The following ADAMTS16 variants were observed in gnomAD, a reference collection of about 807,000 sequenced individuals.
ADAMTS16 encodes ADAM metallopeptidase with thrombospondin type 1 motif 16.
ADAMTS16 carries 94 observed loss-of-function variants against 145.8 expected under a neutral mutation model. The ratio of observed to expected loss-of-function variants is 0.64; its 90% CI spans 0.55 to 0.77. The LOEUF is 0.77. Among genes scored for constraint, ADAMTS16 ranks in the 30% least tolerant of loss-of-function variants. The pLI, the probability that ADAMTS16 is intolerant of heterozygous loss-of-function variation, is 0.00. For missense variants in ADAMTS16, 1,585 were observed against 1,591.5 expected, an observed-to-expected ratio of 1.00 and a Z score of 0.07; for synonymous variants, 659 against 604.3, an observed-to-expected ratio of 1.09 and a Z score of -1.33.
intron 18 of ADAMTS16, among the ~76,000 whole-genome samples, chr5:5,285,945 T>A (rs774895194): frequency 6.6e-6 from 1 of 152,250 alleles, no homozygotes; most frequent in Non-Finnish European, 1.5e-5. Context: ...AGTTTGTGAA[T>A]GCTAATGCAA....
intron 16 of ADAMTS16, 104 bp downstream of exon 16, chr5:5,240,029 T>C: frequency 6.7e-7 from 1 of 1,501,740 alleles, no homozygotes; most frequent in East Asian, 2.3e-5. Context: ...TGTAAACAGT[T>C]ATAAAAAGAG....
At chr5:5,242,220 G>C (rs771253742) in intron 17 of ADAMTS16, 29 bp downstream of exon 17, 14 of 1,610,230 alleles carry the variant, frequency 8.7e-6, no homozygotes, top group Non-Finnish European at 1.1e-5. Flanking sequence ...TGCTCCTGGA[G>C]GCAGCATGTC....
At chr5:5,259,164 C>T (rs920856205) in intron 17 of ADAMTS16, among the ~76,000 whole-genome samples, 5 of 152,206 alleles carry the variant, frequency 3.3e-5, no homozygotes, top group African/African-American at 1.2e-4. Context: ...CAGTGACTTC[C>T]ACTCTGCGGC....
chr5:5,306,506 C>G lies in ADAMTS16; in HGVS notation c.3189C>G (p.Cys1063Trp), dbSNP rs769649253. The G allele has an allele frequency of 1.2e-6, 2 of 1,611,368 alleles. No homozygotes were observed. The highest frequency in any genetic ancestry group is 1.7e-5 in the Admixed American group (1 of 59,890). ...TTCTTTTGTTCTCTTCTTTTTAGTG[C>G]TCTGTGACATGTGAAAGAGGAACAC... ...LQWLVSAWSQCSVTCERGTQK... is the reference protein window; with the variant it reads ...LQWLVSAWSQWSVTCERGTQK... The change falls in exon 21 of 23, where the codon TGC becomes TGG. Residue 1063 changes from cysteine to tryptophan, a missense_variant and splice_region_variant. Physicochemically the swap from Cys to Trp is radical, Grantham distance 215. Transcript: ENST00000274181.
intron 11 of ADAMTS16, among the ~76,000 whole-genome samples, chr5:5,230,533 A>T (rs1406265364): frequency 6.6e-6 from 1 of 152,230 alleles, no homozygotes; most frequent in East Asian, 1.9e-4. Context: ...GTGGACAAGC[A>T]TTTATGTGAA....
chr5:5,230,285 C>T (rs1736885220), intron 11 of ADAMTS16, among the ~76,000 whole-genome samples: 1 of 152,088 alleles, frequency 6.6e-6, no homozygotes, highest in Non-Finnish European at 1.5e-5. Flanking sequence ...CAGCTGAATG[C>T]AATAAACGAA....
intron 18 of ADAMTS16, among the ~76,000 whole-genome samples, chr5:5,278,469 C>T (rs907582904): frequency 2.0e-5 from 3 of 152,270 alleles, no homozygotes. Context: ...GTCATCACTC[C>T]TTATTATTGT....
chr5:5,203,590 G>A (rs1736013386), intron 9 of ADAMTS16, among the ~76,000 whole-genome samples: 1 of 152,072 alleles, frequency 6.6e-6, no homozygotes, highest in Non-Finnish European at 1.5e-5. Context: ...TAGTTTTTTG[G>A]AGTGAATTCA....
intron 17 of ADAMTS16, among the ~76,000 whole-genome samples, chr5:5,245,870 T>G (rs1579338463): frequency 6.6e-6 from 1 of 152,196 alleles, no homozygotes; most frequent in Non-Finnish European, 1.5e-5. Flanking sequence ...CTCCTCTCAC[T>G]TTTATGACAT....
intron 21 of ADAMTS16, 91 bp downstream of exon 21, chr5:5,306,819 T>C: frequency 7.7e-7 from 1 of 1,295,468 alleles, no homozygotes; most frequent in South Asian, 1.5e-5. Flanking sequence ...TGCGAGGGTG[T>C]TTTCCCCAAA....
intron 17 of ADAMTS16, among the ~76,000 whole-genome samples, chr5:5,259,033 T>C (rs1737900821): frequency 6.6e-6 from 1 of 152,126 alleles, no homozygotes; most frequent in African/African-American, 2.4e-5. Flanking sequence ...TGGGGCACAT[T>C]GTTGCCCACC....
chr5:5,297,691 G>A (rs949432342), intron 18 of ADAMTS16, among the ~76,000 whole-genome samples: 38 of 152,192 alleles, frequency 2.5e-4, no homozygotes, highest in African/African-American at 8.7e-4. Flanking sequence ...TGCTGGCCTC[G>A]GAGTAGTATC....
intron 3 of ADAMTS16, among the ~76,000 whole-genome samples, chr5:5,159,717 G>A (rs1043242504): frequency 3.3e-5 from 5 of 152,112 alleles, no homozygotes; most frequent in Non-Finnish European, 7.4e-5. Flanking sequence ...AAGCAATTAG[G>A]ATGATAAAAA....
intron 2 of ADAMTS16, among the ~76,000 whole-genome samples, chr5:5,141,550 A>G (rs960927218): frequency 2.0e-5 from 3 of 152,242 alleles, no homozygotes; most frequent in Non-Finnish European, 4.4e-5. Flanking sequence ...ATCCAATGAC[A>G]GTTAATAAAT....
chr5:5,286,074 G>T (rs564880595), intron 18 of ADAMTS16, among the ~76,000 whole-genome samples: 1 of 152,066 alleles, frequency 6.6e-6, no homozygotes, highest in African/African-American at 2.4e-5. Context: ...ATGACCCTTC[G>T]GAATGAATCA....
intron 17 of ADAMTS16, among the ~76,000 whole-genome samples, chr5:5,244,868 AG>A (rs1443605443): frequency 1.3e-5 from 2 of 152,200 alleles, no homozygotes; most frequent in Non-Finnish European, 2.9e-5. Flanking sequence ...ATGGCCATTC[AG>A]GGTGAAGGCT....
chr5:5,187,305 C>G (rs1358447321), intron 5 of ADAMTS16, among the ~76,000 whole-genome samples: 2 of 152,162 alleles, frequency 1.3e-5, no homozygotes, highest in Non-Finnish European at 2.9e-5. Flanking sequence ...GTGTCTTTCT[C>G]TCATCATCTC....
rs776256152 is a variant in ADAMTS16 at position 5,236,998 on chromosome 5, G to A, written c.2053G>A (p.Ala685Thr). 4.0e-5 allele frequency: 65 copies of A among 1,613,502 alleles called. No individual in the cohort carries two copies. Among genetic ancestry groups the A allele is most frequent in the Admixed American group, 6.7e-5 (4 of 59,978 alleles). The change falls in exon 14 of 23, where the codon GCA becomes ACA. Residue 685 changes from alanine (A) to threonine (T), a missense_variant. By Grantham distance (58) the Ala-to-Thr change is moderately conservative (BLOSUM62 0). Around this residue, in one of 3 missense-constraint regions of ADAMTS16, gnomAD observed 834 missense variants for 811.7 expected, o/e 1.03. Transcript: ENST00000274181. ...GGACTTATGCAAACTCTACTGTATC[G>A]CAGAAGGATTTGATTTCTTCTTTTC... ...DQDLCKLYCI[A>T]EGFDFFFSLS...
Position 5,303,696 on chromosome 5 carries a change from A to C in ADAMTS16, c.3116A>C (p.His1039Pro). The C allele has an allele frequency of 6.2e-7, 1 of 1,613,688 alleles. No individual in the cohort carries two copies. Among genetic ancestry groups the C allele is most frequent in the South Asian group, 1.1e-5 (1 of 91,064 alleles). ...ACCTCCGAGCCCAAGCCCAGGATGC[A>C]TGAAGCCTGTCTGCTTCAGCGCTGC... ...VCTSEPKPRM[H>P]EACLLQRCHK... The change falls in exon 20 of 23, where the codon CAT becomes CCT. Residue 1039 changes from histidine (H) to proline (P), a missense_variant. Around this residue, in one of 3 missense-constraint regions of ADAMTS16, gnomAD observed 834 missense variants for 811.7 expected, o/e 1.03. Transcript: ENST00000274181.
Sources: gnomAD v4.1 joint callset for allele counts (sites outside exome capture counted in the v4.1 genomes callset) on GRCh38, gnomAD v4.1.1 for gene constraint, gnomAD v4.1.1 regional missense constraint, MANE v1.5 for transcripts, NCBI Gene and HGNC (gene_info 2026-07-23, HGNC 2026-07-21) for gene names.